TBX2: variants seen among roughly 807,000 people sequenced by gnomAD.
TBX2 encodes T-box transcription factor 2.
TBX2 carries 19 observed loss-of-function variants against 48.4 expected under a neutral mutation model. The observed-to-expected ratio is 0.39, with a 90% CI of 0.27 to 0.58. The LOEUF (loss-of-function observed/expected upper bound fraction) is 0.58, where lower values mean the gene tolerates loss of function less well. Ranked by LOEUF, TBX2 falls within the 20% of genes least tolerant of loss-of-function variation. TBX2 has a pLI of 0.54. For missense variants in TBX2, 994 were observed against 1,006.5 expected (o/e 0.99, Z 0.17); for synonymous variants, 522 against 459.7 (o/e 1.14, Z -1.73).
Position 61,405,536 on chromosome 17 carries a change from C to T in TBX2, c.1386C>T (p.Ala462=). 1.3e-6 allele frequency: 2 copies of T among 1,591,928 alleles called. No homozygotes were observed. Among genetic ancestry groups the T allele is most frequent in the African/African-American group, 1.3e-5 (1 of 74,614 alleles). The change falls in exon 6 of 7, where the codon GCC becomes GCT. Residue 462 remains alanine (A), a synonymous_variant. Transcript: ENST00000240328. ...CAGACAGTGCGTCCCCCCTGGGCGC[C>T]GGACACCTGCCCGGCCTGGCCTTTT... ...VQTDSASPLG[A]GHLPGLAFSS...
chr17:61,403,304 C>G lies in TBX2; in HGVS notation c.810+97C>G, dbSNP rs1357797949. 3.3e-6 allele frequency: 5 copies of G among 1,531,190 alleles called. No individual in the cohort carries two copies. The Admixed American group carries it at 1.1e-4, about 32-fold the overall frequency. 94.9% of individuals were successfully genotyped at this position (1,531,190 alleles called of 1,614,324 possible). A position where few individuals can be genotyped will look rare whatever the true frequency, so the allele number is the denominator to read the frequency against. On this transcript the variant is annotated intron_variant, in intron 3 of 6. Coordinates refer to ENST00000240328, the MANE Select transcript of TBX2 (RefSeq NM_005994.4). The surrounding 1 kb of genome is among the most constrained non-coding windows in gnomAD (Gnocchi z 5.8). ...TCATCGCCCCTCGAAGCCCCCTGCA[C>G]GGGATCCGCGCTCTTGCGGCCCGCC... is the stretch of plus-strand genomic sequence containing the variant.
Position 61,400,373 on chromosome 17 carries a change from C to T in TBX2, c.197C>T (p.Ala66Val). ...GLAGAAAAAA[A>V]AAAAAEAGLH... Reference sequence around the variant, plus strand: ...GCGGGGGCGGCGGCCGCGGCGGCGGCGGCGGCAGCAGCGGCCGAGGCGGGG... The same window carrying T: ...GCGGGGGCGGCGGCCGCGGCGGCGGTGGCGGCAGCAGCGGCCGAGGCGGGG... The change falls in exon 1 of 7, where the codon GCG (alanine) becomes GTG (valine). Residue 66 changes from alanine to valine, a missense_variant. Physicochemically the swap from Ala to Val is moderately conservative, Grantham distance 64 (BLOSUM62 0). Around this residue, in one of 5 missense-constraint regions of TBX2, gnomAD observed 165 missense variants for 136.8 expected, o/e 1.21. Coordinates refer to ENST00000240328, the MANE Select transcript of TBX2 (RefSeq NM_005994.4). The surrounding 1 kb of genome is among the most constrained non-coding windows in gnomAD (Gnocchi z 9.2). 4.6e-6 allele frequency: 5 copies of T among 1,088,256 alleles called. No homozygotes were observed. Among genetic ancestry groups the T allele is most frequent in the Non-Finnish European group, 4.5e-6 (4 of 898,170 alleles). 67.4% of individuals were successfully genotyped at this position (1,088,256 alleles called of 1,614,324 possible). A position where few individuals can be genotyped will look rare whatever the true frequency, so the allele number is the denominator to read the frequency against.
chr17:61,405,020 G>A, intron 5 of TBX2, 182 bp from the exon 6 acceptor site: 2 of 1,364,162 alleles, frequency 1.5e-6, no homozygotes, highest in Non-Finnish European at 2.0e-6. Flanking sequence ...TTCCTCTCCA[G>A]GGCTGGGTTC....
chr17:61,400,156 G>A lies in TBX2; in HGVS notation c.-21G>A. 9.9e-7 allele frequency: 1 copy of A among 1,010,648 alleles called. No individual in the cohort carries two copies. Among genetic ancestry groups the A allele is most frequent in the Non-Finnish European group, 1.2e-6 (1 of 844,686 alleles). 62.6% of individuals were successfully genotyped at this position (1,010,648 alleles called of 1,614,324 possible). Reference sequence around the variant, plus strand: ...CCCCGGCCCCGGCCCCGGCCCCCGGGCGCCTGGGCCGGATGTCCCGATGAG... The same window carrying A: ...CCCCGGCCCCGGCCCCGGCCCCCGGACGCCTGGGCCGGATGTCCCGATGAG... On this transcript the variant is annotated 5_prime_UTR_variant, in exon 1 of 7. Coordinates refer to ENST00000240328, the MANE Select transcript of TBX2 (RefSeq NM_005994.4). The surrounding 1 kb of genome is among the most constrained non-coding windows in gnomAD (Gnocchi z 9.2).
chr17:61,408,513 GC>G lies in TBX2; in HGVS notation c.*10del. 1.4e-6 allele frequency: 2 copies of G among 1,436,764 alleles called. No individual in the cohort carries two copies. The highest frequency in any genetic ancestry group is 9.1e-7 in the Non-Finnish European group (1 of 1,096,114). 89.0% of individuals were successfully genotyped at this position (1,436,764 alleles called of 1,614,324 possible). On this transcript the variant is annotated 3_prime_UTR_variant, in exon 7 of 7. Transcript: ENST00000240328. The stretch of plus-strand genomic sequence containing the variant: ...CCGGGAGTCGCCCAAGTGAGGGGCT[GC>G]CCAGCTGCTCCCCTGCCACGCAGGC...
At chr17:61,407,673 T>C (rs990465715) in intron 6 of TBX2, 1 of 199,566 alleles carries the variant, frequency 5.0e-6, no homozygotes, top group Admixed American at 6.1e-5. Context: ...CTGTTCTCAA[T>C]GAGCAGAACC....
chr17:61,407,218 G>C (rs1193511659), intron 6 of TBX2: 7 of 152,156 alleles, frequency 4.6e-5, no homozygotes, highest in East Asian at 3.9e-4. Context: ...TCAGGAGGGG[G>C]TATTTTCTCA....
At chr17:61,408,006 A>G in intron 6 of TBX2, 48 bp from the exon 7 acceptor site, 1 of 1,513,052 alleles carries the variant, frequency 6.6e-7, no homozygotes, top group Non-Finnish European at 8.8e-7. Flanking sequence ...AACTTCAGAA[A>G]GACTTCAGGC....
chr17:61,401,639 G>T (rs909445209), intron 1 of TBX2, 45 bp from the exon 2 acceptor site: 3 of 1,579,834 alleles, frequency 1.9e-6, no homozygotes, highest in South Asian at 1.2e-5. Context: ...CTGGAACCTA[G>T]AACAGCCGGT....
At chr17:61,404,912 C>T (rs1306773433) in intron 5 of TBX2, 143 bp downstream of exon 5, 23 of 1,330,894 alleles carry the variant, frequency 1.7e-5, no homozygotes, top group Non-Finnish European at 2.4e-5. Flanking sequence ...GTTTCCGTCC[C>T]GGGACTCCCC....
At position 61,408,167 on chromosome 17, in the gene TBX2, C is replaced by A. The variant is rs140411884; in HGVS notation, c.1800C>A (p.Ala600=). Residue 600 remains alanine, a synonymous_variant, in exon 7 of 7, where the codon GCC becomes GCA. Transcript: ENST00000240328. ...CCACTAGTGCTGCAGCTGCCGCCGC[C>A]GCAGCCGCCGGCTCCCTCTCCCGGA... is the stretch of plus-strand genomic sequence containing the variant. ...LPATSAAAAA[A]AAAGSLSRSP... is the part of the protein sequence containing the mutation. 5,086 of 1,612,428 alleles carry A rather than the reference C, an allele frequency of 3.2e-3. 14 individuals carry two copies. Among genetic ancestry groups the A allele is most frequent in the Non-Finnish European group, 4.0e-3 (4,721 of 1,179,728 alleles).
Position 61,406,122 on chromosome 17 carries a change from C to T in TBX2, c.1686+286C>T. 1 of 338,346 alleles carries T rather than the reference C, an allele frequency of 3.0e-6. No individual in the cohort carries two copies. The highest frequency in any genetic ancestry group is 2.1e-5 in the African/African-American group (1 of 47,168). The allele number at this position is 338,346 out of a possible 1,614,324, so 21.0% of individuals were successfully genotyped here. A position where few individuals can be genotyped will look rare whatever the true frequency, so the allele number is the denominator to read the frequency against. Reference sequence around the variant, plus strand: ...CCTGCTTCCTTCCCTATAGCCCCAGCGAGGAGTGCGGTGCCCATCGAGACT... The same window carrying T: ...CCTGCTTCCTTCCCTATAGCCCCAGTGAGGAGTGCGGTGCCCATCGAGACT... On this transcript the variant is annotated intron_variant, in intron 6 of 6. Coordinates refer to ENST00000240328, the MANE Select transcript of TBX2 (RefSeq NM_005994.4). The surrounding 1 kb of genome is among the most constrained non-coding windows in gnomAD (Gnocchi z 5.7).
rs28696765 is a variant in TBX2 at position 61,403,735 on chromosome 17, T to C, written c.810+528T>C. The stretch of plus-strand genomic sequence containing the variant: ...GACCCCTTGGGAGGCGCTTAGAGAA[T>C]TACCTTCCAATCAAAGGGCTTTTTC... On this transcript the variant is annotated intron_variant, in intron 3 of 6. Transcript: ENST00000240328. The surrounding 1 kb of genome is among the most constrained non-coding windows in gnomAD (Gnocchi z 5.8). 0.03 allele frequency among the ~76,000 whole-genome samples: 4,597 copies of C among 151,774 alleles called. 203 individuals carry two copies. Among genetic ancestry groups the C allele is most frequent in the African/African-American group, 0.1 (4,290 of 41,356 alleles).
Position 61,409,186 on chromosome 17 carries a change from G to A in TBX2, c.*680G>A, listed in dbSNP as rs1469620023. The A allele has an allele frequency of 1.3e-5, 2 of 152,646 alleles. No homozygotes were observed. Among genetic ancestry groups the A allele is most frequent in the Non-Finnish European group, 2.9e-5 (2 of 68,050 alleles). The allele number at this position is 152,646 out of a possible 1,614,324, so 9.5% of individuals were successfully genotyped here. On this transcript the variant is annotated 3_prime_UTR_variant, in exon 7 of 7. Coordinates refer to ENST00000240328, the MANE Select transcript of TBX2 (RefSeq NM_005994.4). ...TTTATTCAAAGGTGTACATTGCTGT[G>A]TACATATATTTAGAGATTAACTCAT...
intron 2 of TBX2, among the ~76,000 whole-genome samples, chr17:61,402,226 AG>A (rs1310308677): frequency 6.6e-6 from 1 of 152,180 alleles, no homozygotes; most frequent in African/African-American, 2.4e-5. Flanking sequence ...TACCGTCAAT[AG>A]GGAGGCAGGT....
At position 61,404,670 on chromosome 17, in the gene TBX2, G is replaced by A. The variant is rs1292917610; in HGVS notation, c.952G>A (p.Ala318Thr). The change falls in exon 5 of 7, where the codon GCG (alanine) becomes ACG (threonine). Residue 318 changes from alanine to threonine, a missense_variant. Transcript: ENST00000240328. Reference protein sequence around the residue: ...EEHCKPERDGAESDASSCDPP... With the variant: ...EEHCKPERDGTESDASSCDPP... Reference sequence around the variant, plus strand: ...GCACTGCAAACCCGAGCGCGATGGCGCGGAGTCAGACGCCTCGTCGTGCGA... The same window carrying A: ...GCACTGCAAACCCGAGCGCGATGGCACGGAGTCAGACGCCTCGTCGTGCGA... 5 of 1,588,292 alleles carry A rather than the reference G, an allele frequency of 3.1e-6. No individual in the cohort carries two copies. Among genetic ancestry groups the A allele is most frequent in the Non-Finnish European group, 4.3e-6 (5 of 1,167,788 alleles).
At chr17:61,404,886 G>A (rs1157187299) in intron 5 of TBX2, 117 bp downstream of exon 5, 1 of 1,431,324 alleles carries the variant, frequency 7.0e-7, no homozygotes, top group South Asian at 1.2e-5. Context: ...AAACGTCGGC[G>A]AGTGTCTGGG....
chr17:61,401,778 C>T lies in TBX2; in HGVS notation c.490C>T (p.Arg164Cys). The T allele has an allele frequency of 6.2e-7, 1 of 1,613,156 alleles. No individual in the cohort carries two copies. The highest frequency in any genetic ancestry group is 8.5e-7 in the Non-Finnish European group (1 of 1,180,026). The change falls in exon 2 of 7, where the codon CGC (arginine) becomes TGC (cysteine). Residue 164 changes from arginine to cysteine, a missense_variant. Arg to Cys is a radical substitution (Grantham distance 180). Coordinates refer to ENST00000240328, the MANE Select transcript of TBX2 (RefSeq NM_005994.4). ...LMDIVAADDC[R>C]YKFHNSRWMV... Reference sequence around the variant, plus strand: ...GGACATTGTAGCCGCTGACGATTGCCGCTATAAGTTCCACAACTCGCGCTG... The same window carrying T: ...GGACATTGTAGCCGCTGACGATTGCTGCTATAAGTTCCACAACTCGCGCTG...
At position 61,405,396 on chromosome 17, in the gene TBX2, C is replaced by G; in HGVS notation, c.1246C>G (p.Pro416Ala). 1 of 1,532,546 alleles carries G rather than the reference C, an allele frequency of 6.5e-7. No individual in the cohort carries two copies. The allele number at this position is 1,532,546 out of a possible 1,614,324, so 94.9% of individuals were successfully genotyped here. The part of the protein sequence containing the change: ...KEPAESGGDG[P>A]FGLRSLEKER... ...GCCGGCCGAGAGCGGCGGGGACGGCCCGTTCGGCCTGAGGAGCCTGGAGAA... is the reference window on the plus strand; with the variant it reads ...GCCGGCCGAGAGCGGCGGGGACGGCGCGTTCGGCCTGAGGAGCCTGGAGAA... Residue 416 changes from proline to alanine, a missense_variant, in exon 6 of 7, where the codon CCG becomes GCG. Physicochemically the swap from Pro to Ala is conservative, Grantham distance 27. Transcript: ENST00000240328.
Sources: gnomAD v4.1 joint callset for allele counts (sites outside exome capture counted in the v4.1 genomes callset) on GRCh38, gnomAD v4.1.1 for gene constraint, gnomAD v4.1.1 regional missense constraint, Gnocchi (gnomAD v3.1) non-coding constraint, MANE v1.5 for transcripts, NCBI Gene and HGNC (gene_info 2026-07-23, HGNC 2026-07-21) for gene names.